Variants in LDLRAD3 observed in about 807,000 individuals in gnomAD.
LDLRAD3 encodes low-density lipoprotein receptor class A domain-containing protein 3.
In LDLRAD3, 20 loss-of-function variants were observed where a neutral mutation model predicts 29.4. That is an observed-to-expected ratio of 0.68 (90% CI 0.48 to 0.99). The LOEUF (loss-of-function observed/expected upper bound fraction) is 0.99. LDLRAD3 is among the 50% of genes least tolerant of loss of function. The pLI is 0.00. For synonymous variants in LDLRAD3, 157 were observed against 192.7 expected (o/e 0.81, Z 1.53); for missense variants, 420 against 454.3 (o/e 0.92, Z 0.69).
chr11:36,040,846 TA>T (rs1470355716), intron 2 of LDLRAD3, among the ~76,000 whole-genome samples: 5 of 152,212 alleles, frequency 3.3e-5, no homozygotes, highest in African/African-American at 1.2e-4. Context: ...GTAACATCTT[TA>T]AAAAATATTT....
intron 4 of LDLRAD3, among the ~76,000 whole-genome samples, chr11:36,144,620 CCCGT>C: frequency 7.3e-6 from 1 of 137,692 alleles, no homozygotes; most frequent in Admixed American, 7.0e-5. Context: ...TGGCAACTGC[CCCGT>C]CTGAGAAGTG....
At chr11:36,042,721 G>A (rs1476871123) in intron 2 of LDLRAD3, among the ~76,000 whole-genome samples, 1 of 152,176 alleles carries the variant, frequency 6.6e-6, no homozygotes, top group East Asian at 1.9e-4. Flanking sequence ...AATACGACTG[G>A]AGTCCTTATG....
intron 1 of LDLRAD3, among the ~76,000 whole-genome samples, chr11:36,021,444 T>G (rs551153439): frequency 6.6e-6 from 1 of 152,058 alleles, no homozygotes; most frequent in East Asian, 1.9e-4. Flanking sequence ...GCCAAGGGAA[T>G]GGAGTTTCAG....
intron 4 of LDLRAD3, among the ~76,000 whole-genome samples, chr11:36,225,220 T>C (rs1855482880): frequency 6.6e-6 from 1 of 152,222 alleles, no homozygotes; most frequent in South Asian, 2.1e-4. Context: ...ACCTCCTCAC[T>C]GCCTCACAGG....
intron 2 of LDLRAD3, among the ~76,000 whole-genome samples, chr11:36,069,636 G>A (rs1852860917): frequency 1.4e-5 from 2 of 143,216 alleles, no homozygotes; most frequent in Non-Finnish European, 3.0e-5. Flanking sequence ...GAGAAATAGG[G>A]CTTTTTTTTT....
chr11:36,021,181 GGA>G (rs1406755504), intron 1 of LDLRAD3, among the ~76,000 whole-genome samples: 1 of 152,220 alleles, frequency 6.6e-6, no homozygotes, highest in African/African-American at 2.4e-5. Context: ...AAGGGTGGAT[GGA>G]GGATGTCGTT....
chr11:36,038,617 G>A (rs1396805908), intron 2 of LDLRAD3, among the ~76,000 whole-genome samples: 3 of 152,190 alleles, frequency 2.0e-5, no homozygotes, highest in African/African-American at 7.2e-5. Flanking sequence ...GCTCAAACTG[G>A]AAGACATGGT....
At chr11:36,121,378 G>A (rs1853755077) in intron 4 of LDLRAD3, among the ~76,000 whole-genome samples, 1 of 152,014 alleles carries the variant, frequency 6.6e-6, no homozygotes, top group African/African-American at 2.4e-5. Flanking sequence ...GCAGCCTCGA[G>A]GCTGGAATAT....
At chr11:35,955,596 A>G (rs773584761) in intron 1 of LDLRAD3, among the ~76,000 whole-genome samples, 28 of 152,382 alleles carry the variant, frequency 1.8e-4, no homozygotes, top group Non-Finnish European at 4.0e-4. Flanking sequence ...AAGTAATTTC[A>G]TAGCATTAAG....
At chr11:36,175,836 G>A (rs1017500612) in intron 4 of LDLRAD3, among the ~76,000 whole-genome samples, 5 of 152,106 alleles carry the variant, frequency 3.3e-5, no homozygotes, top group Admixed American at 3.3e-4. Context: ...TTGCTCTAGG[G>A]TATAGTTTAA....
At chr11:36,015,306 T>TCCCCCCCC (rs11347924) in intron 1 of LDLRAD3, among the ~76,000 whole-genome samples, 27 of 87,710 alleles carry the variant, frequency 3.1e-4, no homozygotes, top group South Asian at 4.4e-4. Flanking sequence ...GACATGCCAT[T>TCCCCCCCC]CCCCCCCCCC....
chr11:36,214,610 CG>C (rs1157250984), intron 4 of LDLRAD3, among the ~76,000 whole-genome samples: 11 of 152,190 alleles, frequency 7.2e-5, no homozygotes, highest in Non-Finnish European at 1.5e-4. Flanking sequence ...AACAGATCAC[CG>C]GGAAAACTGG....
intron 2 of LDLRAD3, among the ~76,000 whole-genome samples, chr11:36,064,758 A>C (rs188771860): frequency 6.6e-6 from 1 of 152,024 alleles, no homozygotes; most frequent in Admixed American, 6.6e-5. Context: ...TTATTTTTTA[A>C]TTTTATTTTT....
intron 1 of LDLRAD3, among the ~76,000 whole-genome samples, chr11:35,997,047 C>T (rs35327071): frequency 0.056 from 8,523 of 152,158 alleles, 375 homozygotes; most frequent in Non-Finnish European, 0.083. Flanking sequence ...TGATGGATGG[C>T]TGAAAATAAA....
At chr11:36,191,580 A>ATG (rs1565291934) in intron 4 of LDLRAD3, among the ~76,000 whole-genome samples, 12 of 63,472 alleles carry the variant, frequency 1.9e-4, no homozygotes, top group Non-Finnish European at 3.7e-4. Context: ...CTCTCTCTAT[A>ATG]TATATATATA....
At chr11:36,106,310 A>C (rs1186396631) in intron 4 of LDLRAD3, among the ~76,000 whole-genome samples, 3 of 152,172 alleles carry the variant, frequency 2.0e-5, no homozygotes, top group Non-Finnish European at 4.4e-5. Flanking sequence ...GAACCCTTCC[A>C]TGTTCCTTGA....
intron 4 of LDLRAD3, among the ~76,000 whole-genome samples, chr11:36,179,922 C>T (rs1854732370): frequency 6.6e-6 from 1 of 152,098 alleles, no homozygotes; most frequent in Admixed American, 6.5e-5. Context: ...TGCTTGAACC[C>T]AGATCGAGGC....
At chr11:36,108,176 TG>T (rs1028407383) in intron 4 of LDLRAD3, among the ~76,000 whole-genome samples, 30 of 151,498 alleles carry the variant, frequency 2.0e-4, no homozygotes, top group Admixed American at 1.3e-3. Flanking sequence ...CAAAATTAGC[TG>T]GGCGTGGTGG....
Position 36,090,344 on chromosome 11 carries a change from G to A in LDLRAD3, c.320-7983G>A, listed in dbSNP as rs138664869. ...GCCCTTTCATAGCAGTAGGACCACAGGAAGAGGGAGAGGCTAGGAGCAGAA... is the reference window on the plus strand; with the variant it reads ...GCCCTTTCATAGCAGTAGGACCACAAGAAGAGGGAGAGGCTAGGAGCAGAA... On this transcript the variant is annotated intron_variant, in intron 3 of 5. Coordinates refer to ENST00000315571, the MANE Select transcript of LDLRAD3 (RefSeq NM_174902.4). Among the ~76,000 whole-genome samples, 6 of 152,316 alleles carry A rather than the reference G, an allele frequency of 3.9e-5. No homozygotes were observed. The East Asian group carries it at 1.2e-3, about 29-fold the overall frequency.
Sources: allele counts gnomAD v4.1 joint callset (sites outside exome capture counted in the v4.1 genomes callset), GRCh38; gene constraint gnomAD v4.1.1; transcripts MANE v1.5; gene names NCBI Gene and HGNC (gene_info 2026-07-23, HGNC 2026-07-21).